The following SGCD variants were observed in gnomAD, a reference collection of about 807,000 sequenced individuals.
SGCD encodes delta-sarcoglycan.
SGCD carries 18 observed loss-of-function variants against 36.6 expected under a neutral mutation model. The ratio of observed to expected loss-of-function variants is 0.49; its 90% CI spans 0.34 to 0.73. SGCD has a LOEUF of 0.73. Ranked by LOEUF, SGCD falls within the 30% of genes least tolerant of loss-of-function variation. The pLI is 0.01. For missense variants in SGCD, 387 were observed against 346.7 expected (o/e 1.12, Z -0.92); for synonymous variants, 133 against 130.6 (o/e 1.02, Z -0.12).
rs141077881 is a variant in SGCD, at chr5:156,351,603, G to GTCATCA, written c.192+6964_192+6969dup. 2.3e-3 allele frequency among the ~76,000 whole-genome samples: 343 copies of GTCATCA among 149,210 alleles called. 3 individuals carry two copies. Among genetic ancestry groups the GTCATCA allele is most frequent in the African/African-American group, 7.4e-3 (300 of 40,540 alleles). Reference sequence around the variant, plus strand: ...TATAGAAGTGTTTGCTATCGTCGTAGTCATCATCATCATCATCATCATCAT... The same window carrying GTCATCA: ...TATAGAAGTGTTTGCTATCGTCGTAGTCATCATCATCATCATCATCATCATCATCAT... On this transcript the variant is annotated intron_variant, in intron 3 of 8. Transcript: ENST00000337851.
At chr5:156,624,546 A>G (rs185107195) in intron 6 of SGCD, among the ~76,000 whole-genome samples, 27 of 152,286 alleles carry the variant, frequency 1.8e-4, no homozygotes, top group African/African-American at 5.8e-4. Context: ...GCGCCACTGC[A>G]CTCCAGCCTG....
intron 3 of SGCD, among the ~76,000 whole-genome samples, chr5:156,385,949 A>G (rs1296919296): frequency 6.6e-6 from 1 of 152,196 alleles, no homozygotes; most frequent in African/African-American, 2.4e-5. Context: ...GAGATGTAGG[A>G]AAAGTAAACA....
intron 3 of SGCD, among the ~76,000 whole-genome samples, chr5:156,125,211 T>C (rs3097861): frequency 3.3e-5 from 5 of 152,198 alleles, no homozygotes; most frequent in African/African-American, 4.8e-5. Context: ...CCCAAAGGTT[T>C]CTGGGAACTG....
intron 3 of SGCD, among the ~76,000 whole-genome samples, chr5:156,141,346 A>T (rs1301638016): frequency 6.6e-6 from 1 of 151,956 alleles, no homozygotes; most frequent in African/African-American, 2.4e-5. Context: ...TCACCCCAAG[A>T]CCCCAGAACT....
chr5:156,347,628 A>G (rs756656234), intron 3 of SGCD, among the ~76,000 whole-genome samples: 1 of 152,180 alleles, frequency 6.6e-6, no homozygotes, highest in Non-Finnish European at 1.5e-5. Context: ...ATTTGAAGCT[A>G]TCCTCTTAAT....
At chr5:155,991,385 G>A (rs907318153) in intron 1 of SGCD, among the ~76,000 whole-genome samples, 2 of 152,072 alleles carry the variant, frequency 1.3e-5, no homozygotes, top group African/African-American at 2.4e-5. Flanking sequence ...GTACCGAGCT[G>A]TTTCTCCTAA....
chr5:156,515,465 CACTGGG>C (rs1223896614), intron 4 of SGCD, among the ~76,000 whole-genome samples: 1 of 152,076 alleles, frequency 6.6e-6, no homozygotes, highest in Admixed American at 6.5e-5. Context: ...CAGGTTCTCT[CACTGGG>C]ACTGATGAGG....
At chr5:156,745,159 C>CA (rs1561892892) in intron 7 of SGCD, among the ~76,000 whole-genome samples, 1 of 152,056 alleles carries the variant, frequency 6.6e-6, no homozygotes, top group Non-Finnish European at 1.5e-5. Flanking sequence ...TGGGACCCCC[C>CA]CAGTTACCAA....
chr5:156,701,397 G>C (rs769769752), intron 7 of SGCD, among the ~76,000 whole-genome samples: 1 of 151,984 alleles, frequency 6.6e-6, no homozygotes, highest in Non-Finnish European at 1.5e-5. Flanking sequence ...TCTCATCATT[G>C]TCACTACTAC....
intron 3 of SGCD, among the ~76,000 whole-genome samples, chr5:156,230,469 A>G (rs772930077): frequency 5.3e-5 from 8 of 152,144 alleles, no homozygotes; most frequent in Non-Finnish European, 1.0e-4. Flanking sequence ...CTAGCCACCC[A>G]GTAAGTCTAC....
chr5:156,611,914 C>G (rs1454377034), intron 6 of SGCD, among the ~76,000 whole-genome samples: 6 of 152,058 alleles, frequency 3.9e-5, no homozygotes. Context: ...TTTTTCAACT[C>G]CAAGATTTCT....
chr5:156,509,909 C>T (rs1756859433), intron 4 of SGCD, among the ~76,000 whole-genome samples: 1 of 152,118 alleles, frequency 6.6e-6, no homozygotes, highest in Non-Finnish European at 1.5e-5. Flanking sequence ...AATGCATTTG[C>T]TCTGCCTTGG....
intron 1 of SGCD, among the ~76,000 whole-genome samples, chr5:156,087,860 C>T (rs1761140904): frequency 6.6e-6 from 1 of 152,112 alleles, no homozygotes. Context: ...CTTGGTTCAT[C>T]TTTTAACCAT....
At chr5:156,147,597 GAATT>G (rs1762735223) in intron 3 of SGCD, among the ~76,000 whole-genome samples, 2 of 152,130 alleles carry the variant, frequency 1.3e-5, no homozygotes, top group South Asian at 4.1e-4. Context: ...GATGTTTGTT[GAATT>G]AATTATTAAA....
the SGCD span, among the ~76,000 whole-genome samples, chr5:155,813,434 A>G: frequency 6.6e-6 from 1 of 152,182 alleles, no homozygotes; most frequent in Non-Finnish European, 1.5e-5. Context: ...CCAAGAGCAA[A>G]GGGTTAGTTG....
At chr5:156,472,378 C>G (rs763465725) in intron 3 of SGCD, among the ~76,000 whole-genome samples, 3 of 152,134 alleles carry the variant, frequency 2.0e-5, no homozygotes, top group East Asian at 3.8e-4. Context: ...TTCCTACTCA[C>G]CAATAAAAAA....
At chr5:156,629,849 CTT>C (rs923680320) in intron 6 of SGCD, among the ~76,000 whole-genome samples, 1 of 134,032 alleles carries the variant, frequency 7.5e-6, no homozygotes, top group African/African-American at 2.8e-5. Context: ...GGTTTTGAGA[CTT>C]TTTCTTTTTT....
intron 1 of SGCD, among the ~76,000 whole-genome samples, chr5:155,965,089 C>A (rs1029567169): frequency 6.6e-6 from 1 of 152,058 alleles, no homozygotes; most frequent in Non-Finnish European, 1.5e-5. Flanking sequence ...GTCCTCCTTA[C>A]CTACCCTTGC....
chr5:156,353,876 C>T (rs557687093), intron 3 of SGCD, among the ~76,000 whole-genome samples: 1 of 152,300 alleles, frequency 6.6e-6, no homozygotes, highest in East Asian at 1.9e-4. Flanking sequence ...TTGAAACTTC[C>T]TGTGTTTTAT....
Sources: gnomAD v4.1 joint callset for allele counts (sites outside exome capture counted in the v4.1 genomes callset) on GRCh38, gnomAD v4.1.1 for gene constraint, MANE v1.5 for transcripts, NCBI Gene and HGNC (gene_info 2026-07-23, HGNC 2026-07-21) for gene names.